Variants in MACROD2 observed in about 807,000 individuals in gnomAD.
The protein encoded by MACROD2 is mono-ADP ribosylhydrolase 2.
A neutral mutation model predicts 70.4 loss-of-function variants in MACROD2; 36 were observed. The ratio of observed to expected loss-of-function variants is 0.51; its 90% CI spans 0.39 to 0.68. The LOEUF is 0.68. MACROD2 is among the 30% of genes least tolerant of loss of function. The probability of loss-of-function intolerance (pLI) is 0.00; values close to 1 mark genes in which losing one functional copy is unlikely to be tolerated. For missense variants in MACROD2, 496 were observed against 538.4 expected (o/e 0.92, Z 0.78); for synonymous variants, 172 against 178.8 (o/e 0.96, Z 0.30).
At chr20:15,508,371 T>TCTAGA (rs1269254295) in intron 8 of MACROD2, among the ~76,000 whole-genome samples, 1 of 151,912 alleles carries the variant, frequency 6.6e-6, no homozygotes, top group African/African-American at 2.4e-5. Context: ...TGCTAATAGG[T>TCTAGA]CTAGACCTTC....
chr20:14,001,429 G>A (rs2052731477), intron 1 of MACROD2, among the ~76,000 whole-genome samples: 2 of 151,482 alleles, frequency 1.3e-5, no homozygotes, highest in Non-Finnish European at 2.9e-5. Flanking sequence ...ACACAAAGCT[G>A]TAAGTAAATT....
intron 8 of MACROD2, among the ~76,000 whole-genome samples, chr20:15,562,227 C>T (rs1186588548): frequency 6.6e-6 from 1 of 152,078 alleles, no homozygotes; most frequent in African/African-American, 2.4e-5. Context: ...TAGCTCTGTC[C>T]ATCTTGGAGC....
chr20:15,899,546 A>G (rs1199133987), intron 10 of MACROD2, among the ~76,000 whole-genome samples: 1 of 152,214 alleles, frequency 6.6e-6, no homozygotes, highest in Non-Finnish European at 1.5e-5. Flanking sequence ...ATTAAACAAG[A>G]ACTAAATGGA....
intron 3 of MACROD2, among the ~76,000 whole-genome samples, chr20:14,167,904 T>G (rs1249242864): frequency 1.3e-5 from 2 of 152,162 alleles, no homozygotes; most frequent in South Asian, 2.1e-4. Context: ...TAGTACTGTA[T>G]AAAGCGTAAT....
intron 8 of MACROD2, among the ~76,000 whole-genome samples, chr20:15,729,949 C>T (rs1029587476): frequency 8.7e-5 from 13 of 149,834 alleles, no homozygotes; most frequent in Admixed American, 7.4e-4. Context: ...TTGACTCAGC[C>T]TCCTGAGTAG....
At chr20:14,112,986 CTTGA>C (rs1482304126) in intron 3 of MACROD2, among the ~76,000 whole-genome samples, 2 of 151,810 alleles carry the variant, frequency 1.3e-5, no homozygotes, top group Non-Finnish European at 2.9e-5. Flanking sequence ...AAAAAGGATA[CTTGA>C]TTAAGAACAG....
chr20:15,095,146 G>A lies in MACROD2; in HGVS notation c.419-134794G>A, dbSNP rs527590878. ...GGCTGGAGTGCAGTGATGTGATCTC[G>A]GCTCACTGCAAGCTCCGCCTCCCAG... On this transcript the variant is annotated intron_variant, in intron 5 of 17. Coordinates refer to ENST00000684519, the MANE Select transcript of MACROD2 (RefSeq NM_001351661.2). Among the ~76,000 whole-genome samples the A allele has an allele frequency of 7.3e-5, 10 of 136,442 alleles. 1 individual carries two copies. In the South Asian group the frequency reaches 1.9e-3, roughly 26 times the overall value. The allele number at this position is 136,442 out of a possible 152,430, so 89.5% of individuals were successfully genotyped here.
At chr20:15,511,601 T>C (rs2047500641) in intron 8 of MACROD2, among the ~76,000 whole-genome samples, 1 of 152,256 alleles carries the variant, frequency 6.6e-6, no homozygotes, top group African/African-American at 2.4e-5. Flanking sequence ...TCACTTTATG[T>C]GCTGACCTTA....
intron 2 of MACROD2, among the ~76,000 whole-genome samples, chr20:14,045,197 G>A (rs185223693): frequency 6.6e-6 from 1 of 152,246 alleles, no homozygotes; most frequent in African/African-American, 2.4e-5. Flanking sequence ...GAGGGAGCCG[G>A]CTCCGGCCTT....
intron 3 of MACROD2, among the ~76,000 whole-genome samples, chr20:14,483,346 T>G (rs945277231): frequency 6.6e-6 from 1 of 152,170 alleles, no homozygotes; most frequent in Admixed American, 6.5e-5. Context: ...TCTTTGTGGG[T>G]TTTTTGATAG....
intron 7 of MACROD2, among the ~76,000 whole-genome samples, chr20:15,480,845 T>A (rs60667089): frequency 6.6e-6 from 1 of 152,296 alleles, no homozygotes; most frequent in East Asian, 1.9e-4. Flanking sequence ...CTGGGAAGCC[T>A]GTACTTCCCA....
chr20:15,556,424 T>C (rs1600585089), intron 8 of MACROD2, among the ~76,000 whole-genome samples: 1 of 152,194 alleles, frequency 6.6e-6, no homozygotes, highest in East Asian at 1.9e-4. Flanking sequence ...CTGAAGCTGT[T>C]TATCCACTGA....
chr20:14,154,951 A>T (rs945808041), intron 3 of MACROD2, among the ~76,000 whole-genome samples: 1 of 152,160 alleles, frequency 6.6e-6, no homozygotes, highest in Non-Finnish European at 1.5e-5. Flanking sequence ...CTCCTTAAGG[A>T]TGAGAACTAA....
At chr20:15,026,843 G>C (rs1211425461) in intron 5 of MACROD2, among the ~76,000 whole-genome samples, 1 of 152,186 alleles carries the variant, frequency 6.6e-6, no homozygotes, top group Non-Finnish European at 1.5e-5. Context: ...TCTGGAGGCA[G>C]TCTGGCCTAC....
intron 6 of MACROD2, among the ~76,000 whole-genome samples, chr20:15,426,296 C>T (rs1464903028): frequency 6.6e-6 from 1 of 151,748 alleles, no homozygotes; most frequent in African/African-American, 2.4e-5. Flanking sequence ...GGTGGCCCAA[C>T]CTATAATTTC....
intron 10 of MACROD2, among the ~76,000 whole-genome samples, chr20:15,927,251 T>C (rs1198925899): frequency 1.3e-5 from 2 of 152,174 alleles, no homozygotes; most frequent in Non-Finnish European, 2.9e-5. Context: ...ATTTCCCTCC[T>C]AATCCCTTGA....
chr20:14,757,820 G>A (rs2071961366), intron 5 of MACROD2: 1 of 1,530,190 alleles, frequency 6.5e-7, no homozygotes, highest in Non-Finnish European at 9.0e-7. Flanking sequence ...TCTGCCCCCG[G>A]AGATTGTGCC....
intron 6 of MACROD2, among the ~76,000 whole-genome samples, chr20:15,377,080 T>A (rs898986365): frequency 1.3e-5 from 2 of 151,926 alleles, no homozygotes; most frequent in Admixed American, 1.3e-4. Flanking sequence ...TTAGTAGAGA[T>A]GGGGTTTCAC....
chr20:14,075,335 G>T (rs1203842098), intron 2 of MACROD2, among the ~76,000 whole-genome samples: 3 of 152,178 alleles, frequency 2.0e-5, no homozygotes, highest in African/African-American at 7.2e-5. Context: ...CATTAAATTT[G>T]TGAGTGTGAG....
Sources: allele counts gnomAD v4.1 joint callset (sites outside exome capture counted in the v4.1 genomes callset), GRCh38; gene constraint gnomAD v4.1.1; transcripts MANE v1.5; gene names NCBI Gene and HGNC (gene_info 2026-07-23, HGNC 2026-07-21).